COL4A4: variants seen among roughly 807,000 people sequenced by gnomAD.
COL4A4 encodes the protein collagen alpha-4(IV) chain.
In COL4A4, 105 loss-of-function variants were observed where a neutral mutation model predicts 192.9. The ratio of observed to expected loss-of-function variants is 0.54; its 90% confidence interval spans 0.46 to 0.64. The LOEUF (loss-of-function observed/expected upper bound fraction) is 0.64, where lower values mean the gene tolerates loss of function less well. Ranked by LOEUF, COL4A4 falls within the 30% of genes least tolerant of loss-of-function variation. The pLI is 0.00. For missense variants in COL4A4, 1,967 were observed against 2,169.3 expected, an observed-to-expected ratio of 0.91 and a Z score of 1.85; for synonymous variants, 762 against 769.9, an observed-to-expected ratio of 0.99 and a Z score of 0.17.
At chr2:226,989,710 C>G in the COL4A4 span, among the ~76,000 whole-genome samples, 4 of 152,102 alleles carry the variant, frequency 2.6e-5, no homozygotes. Flanking sequence ...ATAGCTTACT[C>G]GATTGTTAAC....
intron 37 of COL4A4, among the ~76,000 whole-genome samples, chr2:227,036,392 G>A (rs1457846040): frequency 2.0e-5 from 3 of 152,092 alleles, no homozygotes; most frequent in African/African-American, 7.2e-5. Context: ...GGTGACCAAC[G>A]TGTCCCTGTT....
At chr2:227,041,808 G>GA (rs779327753) in intron 37 of COL4A4, among the ~76,000 whole-genome samples, 1 of 23,216 alleles carries the variant, frequency 4.3e-5, no homozygotes, top group Non-Finnish European at 7.2e-5. Flanking sequence ...AAGAAAGGAA[G>GA]AAAGAAAGAA....
chr2:226,983,247 T>A, the COL4A4 span, among the ~76,000 whole-genome samples: 1 of 152,060 alleles, frequency 6.6e-6, no homozygotes, highest in Non-Finnish European at 1.5e-5. Flanking sequence ...AACCCTAGAA[T>A]CTGCCTCTCA....
In COL4A4 at chr2:227,114,708, ATATG is replaced by A; in HGVS notation, c.490-16_490-13del. The A allele has an allele frequency of 2.5e-6, 4 of 1,603,968 alleles. No homozygotes were observed. Among genetic ancestry groups the A allele is most frequent in the Non-Finnish European group, 3.4e-6 (4 of 1,170,734 alleles). The stretch of plus-strand genomic sequence containing the variant: ...TCCCCAGGATGGCCCTGAAAATAAA[ATATG>A]TATGTACTTAACAGGAAAATAGCAT... On this transcript the variant is annotated splice_polypyrimidine_tract_variant and intron_variant, in intron 7 of 47. Transcript: ENST00000396625.
chr2:226,971,351 G>T, the COL4A4 span, among the ~76,000 whole-genome samples: 1 of 152,226 alleles, frequency 6.6e-6, no homozygotes, highest in Non-Finnish European at 1.5e-5. Flanking sequence ...GGTGTCGAAG[G>T]ACGTCTGAAC....
chr2:227,085,831 A>T (rs1408996459), intron 22 of COL4A4, among the ~76,000 whole-genome samples: 1 of 152,130 alleles, frequency 6.6e-6, no homozygotes, highest in Non-Finnish European at 1.5e-5. Context: ...TCAACATGAG[A>T]TTTGGAGGGG....
At chr2:226,992,010 A>G in the COL4A4 span, among the ~76,000 whole-genome samples, 3 of 152,236 alleles carry the variant, frequency 2.0e-5, no homozygotes, top group Non-Finnish European at 4.4e-5. Flanking sequence ...GCTTGTCCAG[A>G]TTCTTTCCTG....
intron 20 of COL4A4, among the ~76,000 whole-genome samples, chr2:227,093,430 T>A (rs2060041274): frequency 6.6e-6 from 1 of 152,118 alleles, no homozygotes; most frequent in South Asian, 2.1e-4. Flanking sequence ...ATAAATGATA[T>A]CACTATTATA....
intron 37 of COL4A4, among the ~76,000 whole-genome samples, chr2:227,039,259 T>C (rs1970314178): frequency 6.6e-6 from 1 of 152,292 alleles, no homozygotes; most frequent in Admixed American, 6.5e-5. Context: ...CTCCACCTCC[T>C]GGGTTCTAGC....
intron 22 of COL4A4, among the ~76,000 whole-genome samples, chr2:227,085,397 C>A (rs1036603767): frequency 6.6e-6 from 1 of 152,122 alleles, no homozygotes; most frequent in Non-Finnish European, 1.5e-5. Context: ...AAACAAACAC[C>A]ATGAGGACAC....
chr2:227,063,567 G>A (rs1235602367), intron 25 of COL4A4, among the ~76,000 whole-genome samples: 1 of 151,918 alleles, frequency 6.6e-6, no homozygotes, highest in Middle Eastern at 3.2e-3. Context: ...TATAATACAT[G>A]TTACAAAAGA....
rs58851340 is a variant in COL4A4, at chr2:227,021,825, AAAAAT to A, written c.4216+218_4216+222del. Among the ~76,000 whole-genome samples the A allele has an allele frequency of 2.4e-3, 363 of 149,144 alleles. 3 individuals carry two copies. The highest frequency in any genetic ancestry group is 7.4e-3 in the African/African-American group (302 of 40,566). On this transcript the variant is annotated intron_variant, in intron 44 of 47. Coordinates refer to ENST00000396625, the MANE Select transcript of COL4A4 (RefSeq NM_000092.5). ...GGGCAACAGAGCAAGACTCCATCTC[AAAAAT>A]AAAATAAAATAAAATAAAATAATAG...
In COL4A4 at chr2:227,144,359, A is replaced by G. The variant is rs548559004; in HGVS notation, c.114+157T>C. On this transcript the variant is annotated intron_variant, in intron 3 of 47. Coordinates refer to ENST00000396625, the MANE Select transcript of COL4A4 (RefSeq NM_000092.5). ...TTCAGAAAGCAGTCTTGACTATACA[A>G]TATAAAAGAAATCTTAGAGTTTATT... Among the ~76,000 whole-genome samples, 10 of 152,366 alleles carry G rather than the reference A, an allele frequency of 6.6e-5. No homozygotes were observed. The South Asian group carries it at 2.1e-3, about 32-fold the overall frequency.
the COL4A4 span, among the ~76,000 whole-genome samples, chr2:226,974,920 G>A: frequency 4.6e-5 from 7 of 152,198 alleles, no homozygotes; most frequent in Non-Finnish European, 1.0e-4. Flanking sequence ...TTCAGGCCAT[G>A]TATCTCTTCC....
chr2:227,062,050 C>A (rs1977200079), intron 26 of COL4A4, among the ~76,000 whole-genome samples: 1 of 152,054 alleles, frequency 6.6e-6, no homozygotes, highest in Admixed American at 6.6e-5. Context: ...CCAGCCTAAC[C>A]AATATGGTGA....
downstream of COL4A4, among the ~76,000 whole-genome samples, chr2:227,001,252 G>A (rs12104592): frequency 0.035 from 5,266 of 151,870 alleles, 294 homozygotes; most frequent in African/African-American, 0.12. Flanking sequence ...CCACCACCTG[G>A]CCCAGCTAAT....
At chr2:227,042,109 C>A in intron 37 of COL4A4, 39 bp downstream of exon 37, 1 of 1,281,930 alleles carries the variant, frequency 7.8e-7, no homozygotes, top group Non-Finnish European at 1.1e-6. Context: ...CCTCATTGGG[C>A]TGCATCTTTC....
intron 3 of COL4A4, among the ~76,000 whole-genome samples, chr2:227,141,320 T>C (rs1406235456): frequency 6.6e-6 from 1 of 152,246 alleles, no homozygotes; most frequent in Non-Finnish European, 1.5e-5. Flanking sequence ...GGCTGTAAAC[T>C]CAAGCCTTTA....
chr2:227,046,717 G>A (rs1972946875), intron 35 of COL4A4, among the ~76,000 whole-genome samples: 1 of 152,016 alleles, frequency 6.6e-6, no homozygotes, highest in Non-Finnish European at 1.5e-5. Context: ...CCCCTCTAGG[G>A]GTCCTGTTCT....
Sources: gnomAD v4.1 joint callset for allele counts (sites outside exome capture counted in the v4.1 genomes callset) on GRCh38, gnomAD v4.1.1 for gene constraint, MANE v1.5 for transcripts, NCBI Gene and HGNC (gene_info 2026-07-23, HGNC 2026-07-21) for gene names.